Variants in SEMA3C observed in about 807,000 individuals in gnomAD.
SEMA3C encodes semaphorin-3C.
A neutral mutation model predicts 89.4 loss-of-function variants in SEMA3C; 47 were observed. The observed-to-expected ratio is 0.53, with a 90% CI of 0.42 to 0.67. SEMA3C has a LOEUF of 0.67. Among genes scored for constraint, SEMA3C ranks in the 30% least tolerant of loss-of-function variants. SEMA3C has a pLI of 0.00. For missense variants in SEMA3C, 839 were observed against 929.1 expected (o/e 0.90, Z 1.26); for synonymous variants, 310 against 320.2 (o/e 0.97, Z 0.34).
intron 2 of SEMA3C, among the ~76,000 whole-genome samples, chr7:80,846,366 T>C (rs545986450): frequency 2.0e-5 from 3 of 152,308 alleles, no homozygotes; most frequent in African/African-American, 7.2e-5. Flanking sequence ...TGTATGTTTG[T>C]TTGTTTTTGA....
intron 2 of SEMA3C, among the ~76,000 whole-genome samples, chr7:80,839,008 C>A (rs960024318): frequency 1.5e-5 from 2 of 137,518 alleles, no homozygotes; most frequent in African/African-American, 5.5e-5. Flanking sequence ...TTTCTCTAAG[C>A]TCACTTGGAA....
intron 2 of SEMA3C, among the ~76,000 whole-genome samples, chr7:80,861,301 C>T (rs1451060278): frequency 1.3e-5 from 2 of 152,022 alleles, no homozygotes; most frequent in African/African-American, 2.4e-5. Flanking sequence ...GTTCTGAAAA[C>T]TTACTATATA....
chr7:80,851,408 G>A (rs1186670987), intron 2 of SEMA3C, among the ~76,000 whole-genome samples: 1 of 149,706 alleles, frequency 6.7e-6, no homozygotes, highest in Non-Finnish European at 1.5e-5. Context: ...GGAGGCTGAG[G>A]AAGGAGAATT....
chr7:80,858,832 A>C (rs1051460969), intron 2 of SEMA3C, among the ~76,000 whole-genome samples: 1 of 152,192 alleles, frequency 6.6e-6, no homozygotes, highest in African/African-American at 2.4e-5. Context: ...CCCACTTTAA[A>C]TAGAGCAAGT....
intron 5 of SEMA3C, chr7:80,816,134 C>A (rs909553107): frequency 6.6e-6 from 1 of 151,992 alleles, no homozygotes; most frequent in African/African-American, 2.4e-5. Context: ...TCAGAAAGCT[C>A]TGAATCAGTC....
intron 2 of SEMA3C, among the ~76,000 whole-genome samples, chr7:80,890,969 G>T (rs1791597428): frequency 6.6e-6 from 1 of 152,070 alleles, no homozygotes; most frequent in Non-Finnish European, 1.5e-5. Flanking sequence ...AATGAATATT[G>T]GTTCAGATCT....
At chr7:80,761,699 C>T in intron 13 of SEMA3C, 42 bp from the exon 14 acceptor site, 1 of 1,127,646 alleles carries the variant, frequency 8.9e-7, no homozygotes, top group Non-Finnish European at 1.3e-6. Context: ...TCAAATATTG[C>T]TTAAAAGGAT....
intron 2 of SEMA3C, among the ~76,000 whole-genome samples, chr7:80,855,123 A>G (rs1396340530): frequency 6.6e-6 from 1 of 152,146 alleles, no homozygotes; most frequent in Non-Finnish European, 1.5e-5. Flanking sequence ...TAACATTCAC[A>G]ATAGCTATGT....
chr7:80,773,788 ACT>A (rs1048173739), intron 12 of SEMA3C, among the ~76,000 whole-genome samples: 1 of 152,148 alleles, frequency 6.6e-6, no homozygotes, highest in Non-Finnish European at 1.5e-5. Context: ...ACGTGGAAAC[ACT>A]CTGTGAGTCT....
Position 80,822,416 on chromosome 7 carries a change from T to TAAA in SEMA3C, c.328-4001_328-3999dup, listed in dbSNP as rs34568196. ...ATAAATAAAAATAAATAAATAAAAA[T>TAAA]AAAAAAAAAACAGCATGAACAGAAA... On this transcript the variant is annotated intron_variant, in intron 4 of 17. Transcript: ENST00000265361. Among the ~76,000 whole-genome samples, 350 of 143,950 alleles carry TAAA rather than the reference T, an allele frequency of 2.4e-3. 1 individual carries two copies. Among genetic ancestry groups the TAAA allele is most frequent in the African/African-American group, 8.4e-3 (333 of 39,566 alleles). 94.4% of individuals were successfully genotyped at this position (143,950 alleles called of 152,430 possible).
At chr7:80,776,413 C>A (rs1316167984) in intron 12 of SEMA3C, among the ~76,000 whole-genome samples, 1 of 152,100 alleles carries the variant, frequency 6.6e-6, no homozygotes, top group Non-Finnish European at 1.5e-5. Flanking sequence ...AACTATAATC[C>A]TTTCTGTTTC....
chr7:80,802,217 C>G (rs1410069888), intron 9 of SEMA3C, among the ~76,000 whole-genome samples: 2 of 152,066 alleles, frequency 1.3e-5, no homozygotes, highest in Non-Finnish European at 2.9e-5. Flanking sequence ...GAAGGGAACA[C>G]AAGTCTCCAA....
chr7:80,758,601 T>A (rs1233512968), intron 14 of SEMA3C, 113 bp from the exon 15 acceptor site: 1 of 1,084,006 alleles, frequency 9.2e-7, no homozygotes, highest in Non-Finnish European at 1.4e-6. Context: ...TTGGAACCGA[T>A]TAAAAACATG....
At chr7:80,887,957 A>G (rs191389793) in intron 2 of SEMA3C, among the ~76,000 whole-genome samples, 320 of 152,332 alleles carry the variant, frequency 2.1e-3, no homozygotes, top group African/African-American at 7.6e-3. Flanking sequence ...ACAGAAATGT[A>G]GATTTATGCT....
chr7:80,792,300 A>T (rs976788594), intron 11 of SEMA3C, among the ~76,000 whole-genome samples: 2 of 152,196 alleles, frequency 1.3e-5, no homozygotes, highest in Non-Finnish European at 1.5e-5. Flanking sequence ...AAGTGGAAAA[A>T]GGGAAATACA....
chr7:80,797,795 C>A (rs754035468), intron 11 of SEMA3C, among the ~76,000 whole-genome samples: 1 of 152,190 alleles, frequency 6.6e-6, no homozygotes, highest in Non-Finnish European at 1.5e-5. Context: ...GTCAGGAGTT[C>A]GAGACCAGCC....
chr7:80,860,074 T>A (rs1376148621), intron 2 of SEMA3C, among the ~76,000 whole-genome samples: 1 of 152,130 alleles, frequency 6.6e-6, no homozygotes, highest in Non-Finnish European at 1.5e-5. Flanking sequence ...TTAGTTCTTC[T>A]AAAATAATCC....
intron 2 of SEMA3C, among the ~76,000 whole-genome samples, chr7:80,860,934 T>C (rs1382617493): frequency 6.6e-6 from 1 of 152,204 alleles, no homozygotes; most frequent in East Asian, 1.9e-4. Context: ...CATGTTTGTT[T>C]ATTGAGTGCC....
chr7:80,886,357 T>G (rs1791477555), intron 2 of SEMA3C, among the ~76,000 whole-genome samples: 1 of 146,186 alleles, frequency 6.8e-6, no homozygotes, highest in African/African-American at 2.5e-5. Flanking sequence ...AAATTAAACT[T>G]TTTTTTTTTT....
Sources: gnomAD v4.1 joint callset for allele counts (sites outside exome capture counted in the v4.1 genomes callset) on GRCh38, gnomAD v4.1.1 for gene constraint, MANE v1.5 for transcripts, NCBI Gene and HGNC (gene_info 2026-07-23, HGNC 2026-07-21) for gene names.